Variants in WWOX observed in about 807,000 individuals in gnomAD.
The protein encoded by WWOX is WW domain containing oxidoreductase.
WWOX carries 69 observed loss-of-function variants against 46.2 expected under a neutral mutation model. The observed-to-expected ratio is 1.49, with a 90% CI of 1.23 to 1.82. The LOEUF (loss-of-function observed/expected upper bound fraction) is 1.82, where lower values mean the gene tolerates loss of function less well. Among genes scored for constraint, WWOX ranks in the 40% most tolerant of loss-of-function variants. The pLI, the probability that WWOX is intolerant of heterozygous loss-of-function variation, is 0.00. For synonymous variants in WWOX, 359 were observed against 202.6 expected (o/e 1.77, Z -6.56); for missense variants, 919 against 542.6 (o/e 1.69, Z -6.89).
At chr16:78,452,681 G>C (rs1258871902) in intron 8 of WWOX, among the ~76,000 whole-genome samples, 1 of 151,640 alleles carries the variant, frequency 6.6e-6, no homozygotes, top group African/African-American at 2.4e-5. Context: ...TTACCATGTT[G>C]GCCAGGCTGG....
intron 1 of WWOX, among the ~76,000 whole-genome samples, chr16:78,102,741 C>A (rs1216611583): frequency 6.6e-6 from 1 of 152,228 alleles, no homozygotes; most frequent in African/African-American, 2.4e-5. Flanking sequence ...TTGGCCCTGT[C>A]TCCCTTGCCC....
chr16:78,285,188 C>G (rs575597234), intron 5 of WWOX, among the ~76,000 whole-genome samples: 30 of 152,166 alleles, frequency 2.0e-4, no homozygotes, highest in Admixed American at 5.9e-4. Context: ...AATCCCAGAA[C>G]TTTGGGAGGC....
intron 6 of WWOX, among the ~76,000 whole-genome samples, chr16:78,423,902 C>A (rs911880021): frequency 1.3e-5 from 2 of 151,244 alleles, no homozygotes; most frequent in Non-Finnish European, 2.9e-5. Flanking sequence ...GACAGGCTTC[C>A]ACTTACCTAT....
At chr16:78,128,824 T>C (rs2033468433) in intron 4 of WWOX, among the ~76,000 whole-genome samples, 1 of 152,196 alleles carries the variant, frequency 6.6e-6, no homozygotes, top group South Asian at 2.1e-4. Flanking sequence ...GGCTGTGTGA[T>C]ACAGCAAGGC....
chr16:78,717,761 G>C (rs915951236), intron 8 of WWOX, among the ~76,000 whole-genome samples: 1 of 152,166 alleles, frequency 6.6e-6, no homozygotes, highest in African/African-American at 2.4e-5. Flanking sequence ...TCTAATCGAG[G>C]ATTAGGATGG....
At chr16:78,645,941 A>G (rs1164248576) in intron 8 of WWOX, among the ~76,000 whole-genome samples, 1 of 152,112 alleles carries the variant, frequency 6.6e-6, no homozygotes, top group African/African-American at 2.4e-5. Context: ...CCTTAAAACC[A>G]GCAGTGCAGC....
At chr16:78,746,476 C>G (rs867927725) in intron 8 of WWOX, among the ~76,000 whole-genome samples, 4 of 152,110 alleles carry the variant, frequency 2.6e-5, no homozygotes, top group Non-Finnish European at 2.9e-5. Flanking sequence ...CCAGTACACT[C>G]CAGGACTTTA....
At chr16:79,090,650 G>A (rs911138857) in intron 8 of WWOX, among the ~76,000 whole-genome samples, 35 of 152,160 alleles carry the variant, frequency 2.3e-4, no homozygotes, top group African/African-American at 7.5e-4. Context: ...ATTCCTGTCC[G>A]AAGAGGTGCA....
At chr16:78,405,909 C>T (rs1460299404) in intron 6 of WWOX, among the ~76,000 whole-genome samples, 1 of 152,104 alleles carries the variant, frequency 6.6e-6, no homozygotes, top group Non-Finnish European at 1.5e-5. Context: ...GTCACGCCAT[C>T]TTATCTGTCA....
chr16:78,445,292 A>G (rs1230336146), intron 8 of WWOX, among the ~76,000 whole-genome samples: 1 of 152,224 alleles, frequency 6.6e-6, no homozygotes, highest in African/African-American at 2.4e-5. Flanking sequence ...TATGTTCTAG[A>G]AGAAGGGCGC....
intron 8 of WWOX, among the ~76,000 whole-genome samples, chr16:78,958,963 G>A (rs1346459503): frequency 6.6e-6 from 1 of 152,166 alleles, no homozygotes; most frequent in South Asian, 2.1e-4. Flanking sequence ...CAAGATCTGA[G>A]GTAAATTATT....
intron 8 of WWOX, among the ~76,000 whole-genome samples, chr16:78,600,308 C>T (rs116544470): frequency 0.013 from 2,013 of 151,942 alleles, 46 homozygotes; most frequent in African/African-American, 0.046. Context: ...TGTAGGTTAC[C>T]GTAAATAAGA....
At chr16:79,121,464 C>T (rs2049630004) in intron 8 of WWOX, among the ~76,000 whole-genome samples, 2 of 152,188 alleles carry the variant, frequency 1.3e-5, no homozygotes, top group Admixed American at 6.5e-5. Flanking sequence ...GTCGGTTTGC[C>T]ATGACTTGGG....
intron 6 of WWOX, among the ~76,000 whole-genome samples, chr16:78,421,978 C>G (rs1338952559): frequency 2.6e-5 from 4 of 152,060 alleles, no homozygotes; most frequent in Admixed American, 2.0e-4. Context: ...CAACTTTATA[C>G]AAGATAATAC....
chr16:79,095,711 G>A (rs1438269022), intron 8 of WWOX, among the ~76,000 whole-genome samples: 2 of 152,074 alleles, frequency 1.3e-5, no homozygotes, highest in South Asian at 4.1e-4. Flanking sequence ...CAGGGACTGA[G>A]TTCTTCTCAA....
At chr16:78,596,460 G>T (rs547048703) in intron 8 of WWOX, among the ~76,000 whole-genome samples, 87 of 152,202 alleles carry the variant, frequency 5.7e-4, no homozygotes, top group African/African-American at 1.9e-3. Context: ...GGAATAGCCA[G>T]TCCTGCCCCA....
At chr16:79,158,643 C>T (rs912284023) in intron 8 of WWOX, among the ~76,000 whole-genome samples, 1 of 152,226 alleles carries the variant, frequency 6.6e-6, no homozygotes, top group Non-Finnish European at 1.5e-5. Context: ...CCTTCAGCCT[C>T]TCTGTCCCCA....
intron 8 of WWOX, among the ~76,000 whole-genome samples, chr16:78,944,406 T>C (rs527489477): frequency 6.6e-6 from 1 of 152,268 alleles, no homozygotes; most frequent in African/African-American, 2.4e-5. Flanking sequence ...GTTGCATCAG[T>C]TGAATGGAGT....
chr16:78,340,683 G>A lies in WWOX; in HGVS notation c.517-46177G>A, dbSNP rs1285952236. ...TTTGGGAAAACCACTGTGTTTGAAT[G>A]TTTGCATGTGTCCTGTTGGCAGAAC... On this transcript the variant is annotated intron_variant, in intron 5 of 8. Coordinates refer to ENST00000566780, the MANE Select transcript of WWOX (RefSeq NM_016373.4). Among the ~76,000 whole-genome samples, 5 of 119,812 alleles carry A rather than the reference G, an allele frequency of 4.2e-5. 1 individual carries two copies. Among genetic ancestry groups the A allele is most frequent in the Non-Finnish European group, 9.9e-5 (5 of 50,332 alleles). The allele number at this position is 119,812 out of a possible 152,430, so 78.6% of individuals were successfully genotyped here. A position where few individuals can be genotyped will look rare whatever the true frequency, so the allele number is the denominator to read the frequency against.
Sources: allele counts gnomAD v4.1 joint callset (sites outside exome capture counted in the v4.1 genomes callset), GRCh38; gene constraint gnomAD v4.1.1; transcripts MANE v1.5; gene names NCBI Gene and HGNC (gene_info 2026-07-23, HGNC 2026-07-21).